SAMD5: variants seen among roughly 807,000 people sequenced by gnomAD.
SAMD5 encodes sterile alpha motif domain containing 5.
Under a neutral mutation model 11.3 loss-of-function variants are expected in SAMD5, and 13 were observed. The observed-to-expected ratio is 1.15, with a 90% CI of 0.75 to 1.83. The LOEUF (loss-of-function observed/expected upper bound fraction) is 1.83. Ranked by LOEUF, SAMD5 falls within the 40% of genes most tolerant of loss-of-function variation. The probability of loss-of-function intolerance (pLI) is 0.00; values close to 1 mark genes in which losing one functional copy is unlikely to be tolerated. For synonymous variants in SAMD5, 129 were observed against 111.3 expected (o/e 1.16, Z -1.00); for missense variants, 255 against 239.1 (o/e 1.07, Z -0.44).
In SAMD5 at chr6:147,711,251, G is replaced by A. The variant is rs951607077; in HGVS notation, c.163-26066G>A. On this transcript the variant is annotated intron_variant, in intron 1 of 1. Transcript: ENST00000566741. This position sits in a 1 kb window ranked among gnomAD's most constrained non-coding sequence, Gnocchi z 4.1. Reference sequence around the variant, plus strand: ...ATTACAGATGAGGAAAGTGGGCCTCGGAGAGTTCAGCCCATTGTCAGGGGT... The same window carrying A: ...ATTACAGATGAGGAAAGTGGGCCTCAGAGAGTTCAGCCCATTGTCAGGGGT... Among the ~76,000 whole-genome samples, 8 of 152,110 alleles carry A rather than the reference G, an allele frequency of 5.3e-5. No homozygotes were observed. Among genetic ancestry groups the A allele is most frequent in the Non-Finnish European group, 8.8e-5 (6 of 68,030 alleles).
the SAMD5 span, among the ~76,000 whole-genome samples, chr6:147,902,949 T>C: frequency 6.6e-6 from 1 of 152,216 alleles, no homozygotes; most frequent in Admixed American, 6.5e-5. Context: ...GTTTAATAAA[T>C]ATTTTTGGCT....
intron 1 of SAMD5, among the ~76,000 whole-genome samples, chr6:147,580,054 A>T (rs1267225706): frequency 6.6e-6 from 1 of 152,180 alleles, no homozygotes; most frequent in Non-Finnish European, 1.5e-5. Context: ...TCATAATTTG[A>T]TTATGATAGG....
At chr6:147,745,164 G>A in the SAMD5 span, among the ~76,000 whole-genome samples, 5 of 151,782 alleles carry the variant, frequency 3.3e-5, no homozygotes, top group Non-Finnish European at 7.4e-5. Context: ...ATGAAATTAC[G>A]CCTAGAATTT....
intron 1 of SAMD5, among the ~76,000 whole-genome samples, chr6:147,539,550 G>A (rs993444709): frequency 6.6e-6 from 1 of 152,106 alleles, no homozygotes; most frequent in East Asian, 1.9e-4. Context: ...GGATTTATCC[G>A]CTTTTAATTC....
the SAMD5 span, among the ~76,000 whole-genome samples, chr6:147,812,199 A>G: frequency 0.018 from 2,742 of 152,196 alleles, 73 homozygotes; most frequent in African/African-American, 0.062. Context: ...TTTTTTTGTT[A>G]AGAGAAGATG....
At chr6:147,804,684 AG>A in the SAMD5 span, among the ~76,000 whole-genome samples, 1 of 152,170 alleles carries the variant, frequency 6.6e-6, no homozygotes, top group Non-Finnish European at 1.5e-5. Context: ...AAAAAAAGGG[AG>A]GGGTAGTATC....
the SAMD5 span, among the ~76,000 whole-genome samples, chr6:147,761,458 C>A: frequency 6.6e-6 from 1 of 151,772 alleles, no homozygotes; most frequent in East Asian, 1.9e-4. Flanking sequence ...TTTGATAGGA[C>A]AAAGAAATAT....
intron 1 of SAMD5, among the ~76,000 whole-genome samples, chr6:147,725,588 C>T (rs1191079467): frequency 1.3e-5 from 2 of 152,078 alleles, no homozygotes; most frequent in Admixed American, 6.6e-5. Flanking sequence ...AGGATTTCAC[C>T]GTGTTGGCCA....
At chr6:147,586,369 C>T (rs933371267) in intron 1 of SAMD5, among the ~76,000 whole-genome samples, 2 of 152,088 alleles carry the variant, frequency 1.3e-5, no homozygotes. Flanking sequence ...AGTACACATA[C>T]ATTCAAAAAA....
At chr6:147,542,079 A>G (rs567334391) in intron 1 of SAMD5, among the ~76,000 whole-genome samples, 1 of 152,288 alleles carries the variant, frequency 6.6e-6, no homozygotes, top group South Asian at 2.1e-4. Context: ...GACACCCACC[A>G]TGGGGCTACA....
the SAMD5 span, among the ~76,000 whole-genome samples, chr6:147,920,971 A>G: frequency 6.6e-6 from 1 of 152,226 alleles, no homozygotes; most frequent in Admixed American, 6.5e-5. Context: ...AATAGAGGAA[A>G]ACACAAAACA....
At chr6:147,788,370 C>T in the SAMD5 span, among the ~76,000 whole-genome samples, 1 of 152,122 alleles carries the variant, frequency 6.6e-6, no homozygotes. Flanking sequence ...TTGAATAAAA[C>T]ATCATATACA....
the SAMD5 span, among the ~76,000 whole-genome samples, chr6:147,834,047 A>G: frequency 4.6e-5 from 7 of 152,268 alleles, no homozygotes; most frequent in African/African-American, 1.7e-4. Context: ...TTTAACATTT[A>G]TAAGCTAGTT....
chr6:147,871,177 CAG>C, the SAMD5 span, among the ~76,000 whole-genome samples: 2 of 152,120 alleles, frequency 1.3e-5, no homozygotes, highest in South Asian at 2.1e-4. Context: ...ACATTTTCGG[CAG>C]AGTGTTAAGA....
At chr6:147,665,239 T>C (rs1276364956) in intron 1 of SAMD5, among the ~76,000 whole-genome samples, 1 of 152,210 alleles carries the variant, frequency 6.6e-6, no homozygotes, top group Non-Finnish European at 1.5e-5. Context: ...TATAGACAGG[T>C]GTCTTTCCTT....
At chr6:147,748,047 C>G in the SAMD5 span, among the ~76,000 whole-genome samples, 1 of 152,170 alleles carries the variant, frequency 6.6e-6, no homozygotes, top group Admixed American at 6.5e-5. Flanking sequence ...CAAAACCTCA[C>G]TCATCAAGCC....
chr6:147,618,554 G>A (rs2128449912), intron 1 of SAMD5, among the ~76,000 whole-genome samples: 1 of 152,348 alleles, frequency 6.6e-6, no homozygotes, highest in African/African-American at 2.4e-5. Flanking sequence ...AAACAGAACA[G>A]ATAGAGCAAG....
At chr6:147,540,567 G>A (rs1788583548) in intron 1 of SAMD5, among the ~76,000 whole-genome samples, 1 of 152,156 alleles carries the variant, frequency 6.6e-6, no homozygotes, top group Non-Finnish European at 1.5e-5. Flanking sequence ...TAACTGACCA[G>A]CCTGCTGCAA....
chr6:147,801,561 C>T, the SAMD5 span, among the ~76,000 whole-genome samples: 1 of 152,100 alleles, frequency 6.6e-6, no homozygotes, highest in Non-Finnish European at 1.5e-5. Flanking sequence ...AAGACAGTGG[C>T]CAGTGTGGAA....
Sources: gnomAD v4.1 joint callset for allele counts (sites outside exome capture counted in the v4.1 genomes callset) on GRCh38, gnomAD v4.1.1 for gene constraint, Gnocchi (gnomAD v3.1) non-coding constraint, MANE v1.5 for transcripts, NCBI Gene and HGNC (gene_info 2026-07-23, HGNC 2026-07-21) for gene names.